MYLK4: variants seen among roughly 807,000 people sequenced by gnomAD.
MYLK4 encodes myosin light chain kinase family member 4.
Under a neutral mutation model 48.1 loss-of-function variants are expected in MYLK4, and 46 were observed. The observed-to-expected ratio is 0.96, with a 90% CI of 0.75 to 1.22. The LOEUF is 1.22. Among genes scored for constraint, MYLK4 ranks in the 50% most tolerant of loss-of-function variants. MYLK4 has a pLI of 0.00. For synonymous variants in MYLK4, 170 were observed against 180.8 expected (o/e 0.94, Z 0.48); for missense variants, 451 against 486.1 (o/e 0.93, Z 0.68).
intron 2 of MYLK4, among the ~76,000 whole-genome samples, chr6:2,694,496 G>GGTA (rs1761946437): frequency 2.4e-5 from 1 of 41,654 alleles, no homozygotes; most frequent in Non-Finnish European, 5.4e-5. Flanking sequence ...TGGTCATGGT[G>GGTA]GTGGTGGTGG....
chr6:2,673,612 G>A lies in MYLK4; in HGVS notation c.1119+1435C>T, dbSNP rs1038548419. Among the ~76,000 whole-genome samples, 2 of 152,190 alleles carry A rather than the reference G, an allele frequency of 1.3e-5. No individual in the cohort carries two copies. Among genetic ancestry groups the A allele is most frequent in the Non-Finnish European group, 2.9e-5 (2 of 68,048 alleles). ...CTGATAGGTACATCAGACAGGTCCT[G>A]GTGGGCCCAAAGGTTGGCATGGCGT... On this transcript the variant is annotated intron_variant, in intron 11 of 12. Transcript: ENST00000274643. This position sits in a 1 kb window ranked among gnomAD's most constrained non-coding sequence, Gnocchi z 4.2.
rs1031230421 is a variant in MYLK4, at chr6:2,689,480, G to T, written c.236-524C>A. 5.9e-5 allele frequency among the ~76,000 whole-genome samples: 9 copies of T among 152,342 alleles called. No individual in the cohort carries two copies. In the East Asian group the frequency reaches 1.7e-3, roughly 29 times the overall value. ...TAAGACACATTTAAGGCACAAAGAT[G>T]AATTTTTCCTGGCTGGCTGGAAATA... On this transcript the variant is annotated intron_variant, in intron 3 of 12. Transcript: ENST00000274643.
upstream of MYLK4, among the ~76,000 whole-genome samples, chr6:2,754,536 G>T (rs1213059294): frequency 6.6e-6 from 1 of 152,154 alleles, no homozygotes; most frequent in Non-Finnish European, 1.5e-5. Context: ...AGGAATGGGG[G>T]TTAATTGTAA....
At chr6:2,720,769 T>C (rs1763040225) in intron 2 of MYLK4, among the ~76,000 whole-genome samples, 1 of 151,830 alleles carries the variant, frequency 6.6e-6, no homozygotes, top group Admixed American at 6.6e-5. Flanking sequence ...AGCCACTAGA[T>C]ATAGAAAAGA....
chr6:2,763,444 C>G, the MYLK4 span, among the ~76,000 whole-genome samples: 8 of 152,200 alleles, frequency 5.3e-5, no homozygotes, highest in Non-Finnish European at 1.2e-4. Context: ...GGGGGAGGCT[C>G]AGGCATGGCA....
At chr6:2,731,576 A>G (rs1763481404) in intron 2 of MYLK4, among the ~76,000 whole-genome samples, 1 of 152,178 alleles carries the variant, frequency 6.6e-6, no homozygotes. Flanking sequence ...CAGATTAGAT[A>G]AAATTCCCCT....
chr6:2,762,007 A>T, the MYLK4 span, among the ~76,000 whole-genome samples: 1,849 of 152,100 alleles, frequency 0.012, 29 homozygotes, highest in South Asian at 0.062. Context: ...CACCTCCTAG[A>T]TTCAAGTAAT....
chr6:2,698,443 T>C (rs1244211612), intron 2 of MYLK4, among the ~76,000 whole-genome samples: 4 of 152,252 alleles, frequency 2.6e-5, no homozygotes, highest in Non-Finnish European at 4.4e-5. Flanking sequence ...CCTAATGGAA[T>C]AAATCTGACC....
intron 2 of MYLK4, among the ~76,000 whole-genome samples, chr6:2,722,408 A>G (rs1464989030): frequency 6.6e-6 from 1 of 152,214 alleles, no homozygotes; most frequent in Non-Finnish European, 1.5e-5. Context: ...AGCCATGAAT[A>G]ATAACATTTT....
intron 12 of MYLK4, among the ~76,000 whole-genome samples, chr6:2,668,108 T>C (rs1760731808): frequency 3.4e-5 from 2 of 59,694 alleles, no homozygotes; most frequent in African/African-American, 1.3e-4. Flanking sequence ...TGCAAGACAT[T>C]TTTTTTTTCT....
At chr6:2,709,688 G>T (rs976492262) in intron 2 of MYLK4, among the ~76,000 whole-genome samples, 1 of 152,264 alleles carries the variant, frequency 6.6e-6, no homozygotes, top group Non-Finnish European at 1.5e-5. Flanking sequence ...ATTGAGTTGA[G>T]AACAATTGCC....
At chr6:2,764,137 TAATG>T in the MYLK4 span, among the ~76,000 whole-genome samples, 5 of 152,050 alleles carry the variant, frequency 3.3e-5, no homozygotes, top group East Asian at 1.9e-4. Flanking sequence ...CTCAAAAAAA[TAATG>T]AAAGCTCACG....
intron 2 of MYLK4, among the ~76,000 whole-genome samples, chr6:2,716,802 T>C (rs529675470): frequency 6.6e-6 from 1 of 152,248 alleles, no homozygotes; most frequent in Non-Finnish European, 1.5e-5. Flanking sequence ...TAGTAGTTCC[T>C]ATCTGACAGA....
Position 2,749,200 on chromosome 6 carries a change from T to C in MYLK4, c.95A>G (p.Glu32Gly). Residue 32 changes from glutamate (E) to glycine (G), a missense_variant, in exon 2 of 13, where the codon GAG (glutamate) becomes GGG (glycine). By Grantham distance (98) the Glu-to-Gly change is moderately conservative (BLOSUM62 -2). Transcript: ENST00000274643. Reference protein sequence around the residue: ...MAFFQCREEVEKVKCFLEKNS... With the variant: ...MAFFQCREEVGKVKCFLEKNS... ...TTTTTCCAGAAAACACTTCACTTTC[T>C]CCACCTCTTCCCTGCACTGAAAAAA... 2 of 1,614,130 alleles carry C rather than the reference T, an allele frequency of 1.2e-6. No individual in the cohort carries two copies. The highest frequency in any genetic ancestry group is 1.7e-6 in the Non-Finnish European group (2 of 1,179,994).
Position 2,665,305 on chromosome 6 carries a change from G to A in MYLK4, c.*2620C>T, listed in dbSNP as rs1760602466. 1 of 152,280 alleles carries A rather than the reference G, an allele frequency of 6.6e-6. No homozygotes were observed. Among genetic ancestry groups the A allele is most frequent in the Non-Finnish European group, 1.5e-5 (1 of 68,128 alleles). The allele number at this position is 152,280 out of a possible 1,614,324, so 9.4% of individuals were successfully genotyped here. ...AGCCACACAAGGACATGGAGCAGGG[G>A]CGGGATGAACACTAGACTGATAATC... On this transcript the variant is annotated 3_prime_UTR_variant, in exon 13 of 13. Coordinates refer to ENST00000274643, the MANE Select transcript of MYLK4 (RefSeq NM_001012418.5).
At chr6:2,761,621 A>G in the MYLK4 span, among the ~76,000 whole-genome samples, 5 of 152,270 alleles carry the variant, frequency 3.3e-5, 1 homozygote, top group South Asian at 1.0e-3. Context: ...ACCGTGAGGT[A>G]GGCATTCTTA....
At chr6:2,688,801 G>T in intron 4 of MYLK4, 50 bp downstream of exon 4, 2 of 1,444,276 alleles carry the variant, frequency 1.4e-6, no homozygotes, top group Non-Finnish European at 1.9e-6. Flanking sequence ...GAAGTCATTT[G>T]CACGCTCTCT....
intron 2 of MYLK4, among the ~76,000 whole-genome samples, chr6:2,704,895 C>T (rs1762430755): frequency 6.6e-6 from 1 of 152,176 alleles, no homozygotes; most frequent in Admixed American, 6.5e-5. Flanking sequence ...TCCAATTATA[C>T]ATCATATCCA....
intron 2 of MYLK4, among the ~76,000 whole-genome samples, chr6:2,699,097 G>A (rs1762177149): frequency 6.6e-6 from 1 of 152,064 alleles, no homozygotes; most frequent in Non-Finnish European, 1.5e-5. Flanking sequence ...GCTTCACTCG[G>A]AAGCCAAGTA....
Sources: allele counts gnomAD v4.1 joint callset (sites outside exome capture counted in the v4.1 genomes callset), GRCh38; gene constraint gnomAD v4.1.1; non-coding constraint Gnocchi (gnomAD v3.1); transcripts MANE v1.5; gene names NCBI Gene and HGNC (gene_info 2026-07-23, HGNC 2026-07-21).